The following GRM8 variants were observed in gnomAD, a reference collection of about 807,000 sequenced individuals.
The protein encoded by GRM8 is metabotropic glutamate receptor 8.
Under a neutral mutation model 87.2 loss-of-function variants are expected in GRM8, and 47 were observed. The ratio of observed to expected loss-of-function variants is 0.54; its 90% CI spans 0.43 to 0.69. GRM8 has a LOEUF of 0.69. GRM8 is among the 30% of genes least tolerant of loss of function. The pLI is 0.00. For synonymous variants in GRM8, 396 were observed against 404.5 expected, an observed-to-expected ratio of 0.98 and a Z score of 0.25; for missense variants, 1,019 against 1,139.2, an observed-to-expected ratio of 0.89 and a Z score of 1.52.
chr7:127,051,364 G>A (rs1009708375), intron 3 of GRM8, among the ~76,000 whole-genome samples: 1 of 151,656 alleles, frequency 6.6e-6, no homozygotes, highest in Non-Finnish European at 1.5e-5. Context: ...ACCTGCACAC[G>A]TACCCTGAAC....
At chr7:126,893,861 C>T (rs576577307) in intron 6 of GRM8, among the ~76,000 whole-genome samples, 60 of 152,096 alleles carry the variant, frequency 3.9e-4, no homozygotes, top group African/African-American at 1.4e-3. Context: ...GCTCTAATCA[C>T]ACTTTATGTC....
intron 3 of GRM8, among the ~76,000 whole-genome samples, chr7:127,032,373 TG>T (rs1817460410): frequency 6.6e-6 from 1 of 152,186 alleles, no homozygotes; most frequent in African/African-American, 2.4e-5. Flanking sequence ...TCACTTTCAC[TG>T]GTTGGGTGAC....
chr7:126,733,064 C>G (rs1011228047), intron 7 of GRM8, among the ~76,000 whole-genome samples: 13 of 151,980 alleles, frequency 8.6e-5, no homozygotes, highest in Non-Finnish European at 1.5e-5. Context: ...ACATGTGGCC[C>G]ATGACAATTA....
chr7:127,052,389 T>C (rs1240540782), intron 3 of GRM8, among the ~76,000 whole-genome samples: 1 of 152,196 alleles, frequency 6.6e-6, no homozygotes, highest in African/African-American at 2.4e-5. Flanking sequence ...CTGTCTACCT[T>C]AATAGCCCCT....
intron 8 of GRM8, among the ~76,000 whole-genome samples, chr7:126,564,183 T>C (rs1793994936): frequency 6.6e-6 from 1 of 152,192 alleles, no homozygotes; most frequent in African/African-American, 2.4e-5. Context: ...ACATCTTTCC[T>C]AGCAAAAGTG....
chr7:126,506,469 C>A (rs1810488138), intron 9 of GRM8, among the ~76,000 whole-genome samples: 1 of 152,114 alleles, frequency 6.6e-6, no homozygotes, highest in South Asian at 2.1e-4. Context: ...CCCTTCCCAC[C>A]TCTGAAAATT....
intron 10 of GRM8, among the ~76,000 whole-genome samples, chr7:126,440,173 G>A (rs1461449790): frequency 1.3e-5 from 2 of 151,736 alleles, no homozygotes. Flanking sequence ...CAGCACTTTG[G>A]GAGGCCTAGG....
intron 7 of GRM8, among the ~76,000 whole-genome samples, chr7:126,640,640 G>A (rs1187112156): frequency 2.6e-5 from 4 of 151,958 alleles, no homozygotes; most frequent in Non-Finnish European, 5.9e-5. Context: ...GAAATCAGGA[G>A]TAAAGCTGTC....
At chr7:126,748,056 T>C (rs1488637084) in intron 7 of GRM8, among the ~76,000 whole-genome samples, 2 of 152,006 alleles carry the variant, frequency 1.3e-5, no homozygotes, top group African/African-American at 2.4e-5. Flanking sequence ...TCATACTTAA[T>C]AGTAAAAAAT....
At chr7:126,463,464 C>T (rs533330083) in intron 9 of GRM8, among the ~76,000 whole-genome samples, 14 of 151,612 alleles carry the variant, frequency 9.2e-5, no homozygotes, top group African/African-American at 1.4e-4. Context: ...TGGATTGTAA[C>T]GATTGACCTT....
At chr7:127,163,237 C>A (rs747469839) in intron 2 of GRM8, among the ~76,000 whole-genome samples, 14 of 152,148 alleles carry the variant, frequency 9.2e-5, no homozygotes, top group Non-Finnish European at 1.9e-4. Flanking sequence ...GGAAGCTTAT[C>A]AGGCAGGGGC....
intron 3 of GRM8, among the ~76,000 whole-genome samples, chr7:127,003,755 CCAGCATGGGT>C (rs1420378899): frequency 2.0e-5 from 3 of 151,630 alleles, no homozygotes; most frequent in Non-Finnish European, 4.4e-5. Context: ...CCAGCATGAG[CCAGCATGGGT>C]CAGCATAGGA....
chr7:126,916,524 A>C (rs1357279380), intron 3 of GRM8, among the ~76,000 whole-genome samples: 3 of 152,248 alleles, frequency 2.0e-5, no homozygotes, highest in African/African-American at 7.2e-5. Flanking sequence ...GGACATTCTC[A>C]ACAGTATATC....
At chr7:126,805,997 G>T (rs1306635489) in intron 6 of GRM8, among the ~76,000 whole-genome samples, 1 of 152,118 alleles carries the variant, frequency 6.6e-6, no homozygotes, top group Non-Finnish European at 1.5e-5. Flanking sequence ...CTGAAGTTTT[G>T]CTTTGATTCA....
At chr7:126,876,628 T>TG (rs1799544948) in intron 6 of GRM8, among the ~76,000 whole-genome samples, 2 of 152,160 alleles carry the variant, frequency 1.3e-5, no homozygotes, top group Admixed American at 6.5e-5. Context: ...TTTTTCGTCA[T>TG]ATAAGGGCAT....
intron 8 of GRM8, among the ~76,000 whole-genome samples, chr7:126,545,850 T>C (rs1817095547): frequency 1.3e-5 from 2 of 152,210 alleles, no homozygotes; most frequent in Non-Finnish European, 1.5e-5. Flanking sequence ...CTTTTTTCCA[T>C]GTACTAATTT....
At chr7:126,784,356 A>G (rs1334273921) in intron 6 of GRM8, among the ~76,000 whole-genome samples, 1 of 152,258 alleles carries the variant, frequency 6.6e-6, no homozygotes, top group Non-Finnish European at 1.5e-5. Flanking sequence ...CTTTCGTTGC[A>G]TGCTTTGAAT....
chr7:126,737,918 C>G (rs559475300), intron 7 of GRM8, among the ~76,000 whole-genome samples: 2 of 151,978 alleles, frequency 1.3e-5, no homozygotes, highest in African/African-American at 2.4e-5. Context: ...CTAACACTAA[C>G]GAGGGTGATC....
At chr7:127,164,638 C>T (rs532467433) in intron 2 of GRM8, among the ~76,000 whole-genome samples, 1 of 152,124 alleles carries the variant, frequency 6.6e-6, no homozygotes, top group African/African-American at 2.4e-5. Flanking sequence ...CTCAGCACAC[C>T]TTGTTGGAAA....
Sources: allele counts gnomAD v4.1 joint callset (sites outside exome capture counted in the v4.1 genomes callset), GRCh38; gene constraint gnomAD v4.1.1; transcripts MANE v1.5; gene names NCBI Gene and HGNC (gene_info 2026-07-23, HGNC 2026-07-21).